Variants in COL8A2 observed in about 807,000 individuals in gnomAD.
COL8A2 encodes collagen type VIII alpha 2 chain.
Under a neutral mutation model 24.0 loss-of-function variants are expected in COL8A2, and 16 were observed. That is an observed-to-expected ratio of 0.67 (90% CI 0.45 to 1.01). COL8A2 has a LOEUF of 1.01. Among genes scored for constraint, COL8A2 ranks in the 50% least tolerant of loss-of-function variants. COL8A2 has a pLI of 0.00. For synonymous variants in COL8A2, 466 were observed against 424.5 expected, an observed-to-expected ratio of 1.10 and a Z score of -1.20; for missense variants, 818 against 942.4, an observed-to-expected ratio of 0.87 and a Z score of 1.73.
intron 2 of COL8A2, among the ~76,000 whole-genome samples, chr1:36,108,866 T>C (rs1260584409): frequency 6.6e-6 from 1 of 152,090 alleles, no homozygotes; most frequent in African/African-American, 2.4e-5. Context: ...AAGAGTCCTT[T>C]CCTAGAGGCG....
chr1:36,099,531 G>C, intron 3 of COL8A2, 44 bp from the exon 4 acceptor site: 2 of 1,400,214 alleles, frequency 1.4e-6, no homozygotes, highest in Non-Finnish European at 2.0e-6. Flanking sequence ...CTGAACTGTG[G>C]GGACAGGGGA....
Position 36,098,088 on chromosome 1 carries a change from A to C in COL8A2, c.1593T>G (p.Gly531=). 1 of 1,544,328 alleles carries C rather than the reference A, an allele frequency of 6.5e-7. No individual in the cohort carries two copies. The highest frequency in any genetic ancestry group is 8.7e-7 in the Non-Finnish European group (1 of 1,152,354). Residue 531 remains glycine, a synonymous_variant, in exon 4 of 4, where the codon GGT becomes GGG. Transcript: ENST00000397799. ...CAGTCTCATCGAAGGCCCCAGGGGC[A>C]CCAGGGGGTCCCGGGGGCCCGGGAG... ...PGPPGPPGPP[G]APGAFDETGI...
chr1:36,108,585 C>T (rs1224085962), intron 2 of COL8A2, among the ~76,000 whole-genome samples: 1 of 152,226 alleles, frequency 6.6e-6, no homozygotes, highest in Non-Finnish European at 1.5e-5. Flanking sequence ...CCCCCCTTTT[C>T]AGCAAATCCC....
At chr1:36,099,536 A>G (rs1427774834) in intron 3 of COL8A2, 49 bp from the exon 4 acceptor site, 3 of 1,365,902 alleles carry the variant, frequency 2.2e-6, no homozygotes, top group Non-Finnish European at 3.0e-6. Flanking sequence ...CTGTGGGGAC[A>G]GGGGACCCCA....
rs767371471 is a variant in COL8A2 at position 36,100,118 on chromosome 1, T to C, written c.125A>G (p.Lys42Arg). Reference sequence around the variant, plus strand: ...TCCTTTCTGCATGGGCTGGATGTACTTCACTGGGGCATAGCCCGCCGCCCC... The same window carrying C: ...TCCTTTCTGCATGGGCTGGATGTACCTCACTGGGGCATAGCCCGCCGCCCC... ...AGGAAGYAPVKYIQPMQKGPV... is the reference protein window; with the variant it reads ...AGGAAGYAPVRYIQPMQKGPV... Residue 42 changes from lysine (K) to arginine (R), a missense_variant, in exon 3 of 4, where the codon AAG becomes AGG. This residue lies in a region of COL8A2 where 573 missense variants were observed against 616.8 expected (regional missense o/e 0.93). Coordinates refer to ENST00000397799, the MANE Select transcript of COL8A2 (RefSeq NM_005202.4). 1 of 1,612,990 alleles carries C rather than the reference T, an allele frequency of 6.2e-7. No individual in the cohort carries two copies. Among genetic ancestry groups the C allele is most frequent in the Admixed American group, 1.7e-5 (1 of 59,984 alleles).
intron 2 of COL8A2, among the ~76,000 whole-genome samples, chr1:36,114,402 G>A (rs1052036828): frequency 5.3e-5 from 8 of 151,324 alleles, no homozygotes; most frequent in Non-Finnish European, 7.4e-5. Context: ...TGGGGAACAC[G>A]CCTACATTTA....
In COL8A2 at chr1:36,110,787, T is replaced by C. The variant is rs192838236; in HGVS notation, c.-17+4921A>G. Reference sequence around the variant, plus strand: ...GATTATAGGCATGAGCAACCGTGCCTGGCCTATAAAATAAACTTCTAAAGT... The same window carrying C: ...GATTATAGGCATGAGCAACCGTGCCCGGCCTATAAAATAAACTTCTAAAGT... On this transcript the variant is annotated intron_variant, in intron 2 of 3. Coordinates refer to ENST00000397799, the MANE Select transcript of COL8A2 (RefSeq NM_005202.4). 1.4e-4 allele frequency among the ~76,000 whole-genome samples: 22 copies of C among 152,350 alleles called. No homozygotes were observed. The East Asian group carries it at 4.2e-3, about 29-fold the overall frequency.
intron 2 of COL8A2, among the ~76,000 whole-genome samples, chr1:36,100,553 T>G (rs1643663426): frequency 6.6e-6 from 1 of 152,112 alleles, no homozygotes. Context: ...AGTCACTCTC[T>G]GCAGCCGGGC....
At chr1:36,108,357 C>T (rs1403771795) in intron 2 of COL8A2, among the ~76,000 whole-genome samples, 1 of 152,222 alleles carries the variant, frequency 6.6e-6, no homozygotes, top group Admixed American at 6.5e-5. Flanking sequence ...CCCTGAGGCT[C>T]AAGCCTGGCT....
In COL8A2 at chr1:36,099,324, G is replaced by A; in HGVS notation, c.357C>T (p.Phe119=). The part of the protein sequence containing the change: ...GQPGPAGPPG[F]SRMGKAGPPG... ...GGGGACCAGCCTTGCCCATCCGGGAGAAGCCAGGGGGCCCAGCAGGGCCAG... is the reference window on the plus strand; with the variant it reads ...GGGGACCAGCCTTGCCCATCCGGGAAAAGCCAGGGGGCCCAGCAGGGCCAG... The change falls in exon 4 of 4, where the codon TTC becomes TTT. Residue 119 remains phenylalanine, a synonymous_variant. Transcript: ENST00000397799. 2.5e-6 allele frequency: 4 copies of A among 1,582,644 alleles called. No homozygotes were observed. Among genetic ancestry groups the A allele is most frequent in the Admixed American group, 1.8e-5 (1 of 55,460 alleles).
chr1:36,116,007 G>C (rs1204342169), intron 1 of COL8A2, among the ~76,000 whole-genome samples: 1 of 151,424 alleles, frequency 6.6e-6, no homozygotes, highest in Non-Finnish European at 1.5e-5. Flanking sequence ...CAAGACTGCA[G>C]TAAGCTATGA....
intron 2 of COL8A2, among the ~76,000 whole-genome samples, chr1:36,111,968 T>C (rs2124098101): frequency 6.6e-6 from 1 of 152,206 alleles, no homozygotes; most frequent in African/African-American, 2.4e-5. Context: ...AGGCCAAAAA[T>C]CTGAGCATCA....
chr1:36,122,720 T>C (rs1416515052), intron 1 of COL8A2, among the ~76,000 whole-genome samples: 1 of 152,192 alleles, frequency 6.6e-6, no homozygotes, highest in Non-Finnish European at 1.5e-5. Context: ...CAGCCTCCTC[T>C]GTGATCTCCC....
rs374985555 is a variant in COL8A2 at position 36,100,033 on chromosome 1, G to T, written c.193+17C>A. The stretch of plus-strand genomic sequence containing the variant: ...CTGGGAGCGATTTGAGGCACTGTGG[G>T]GTGAGGAGGCTCTCACCCAGGTACT... On this transcript the variant is annotated intron_variant, in intron 3 of 3. Coordinates refer to ENST00000397799, the MANE Select transcript of COL8A2 (RefSeq NM_005202.4). The T allele has an allele frequency of 5.0e-6, 8 of 1,608,366 alleles. No individual in the cohort carries two copies. In the African/African-American group the frequency reaches 1.1e-4, roughly 21 times the overall value.
At chr1:36,106,286 A>C (rs1200061591) in intron 2 of COL8A2, among the ~76,000 whole-genome samples, 3 of 151,584 alleles carry the variant, frequency 2.0e-5, no homozygotes, top group East Asian at 1.9e-4. Context: ...AAAAAAAAAA[A>C]CGAGATGAGG....
In COL8A2 at chr1:36,098,036, C is replaced by T. The variant is rs780054210; in HGVS notation, c.1645G>A (p.Gly549Ser). 92 of 1,592,628 alleles carry T rather than the reference C, an allele frequency of 5.8e-5. 1 individual carries two copies. In the Middle Eastern group the frequency reaches 8.5e-4, roughly 15 times the overall value. The change falls in exon 4 of 4, where the codon GGC (glycine) becomes AGC (serine). Residue 549 changes from glycine to serine, a missense_variant. By Grantham distance (56) the Gly-to-Ser change is moderately conservative. Around this residue, in one of 3 missense-constraint regions of COL8A2, gnomAD observed 235 missense variants for 297.3 expected, o/e 0.79. Coordinates refer to ENST00000397799, the MANE Select transcript of COL8A2 (RefSeq NM_005202.4). ...TGIAGLHLPN[G>S]GVEGAVLGKG... ...CCCAGCACGGCACCCTCCACACCGCCGTTGGGCAGGTGCAAGCCTGCGATG... is the reference window on the plus strand; with the variant it reads ...CCCAGCACGGCACCCTCCACACCGCTGTTGGGCAGGTGCAAGCCTGCGATG...
At chr1:36,107,423 C>G (rs563235078) in intron 2 of COL8A2, among the ~76,000 whole-genome samples, 1 of 151,808 alleles carries the variant, frequency 6.6e-6, no homozygotes, top group Non-Finnish European at 1.5e-5. Flanking sequence ...AAAAGAACCC[C>G]GAGCTCCTAA....
chr1:36,099,045 C>T lies in COL8A2; in HGVS notation c.636G>A (p.Gln212=). The T allele has an allele frequency of 6.5e-7, 1 of 1,535,926 alleles. No individual in the cohort carries two copies. Among genetic ancestry groups the T allele is most frequent in the Middle Eastern group, 1.8e-4 (1 of 5,660 alleles). ...RGLKGDNGVG[Q]PGLPGAPGQG... ...GCCCTGGGGCCCCAGGCAGCCCGGG[C>T]TGGCCCACTCCATTATCCCCCTTGA... Residue 212 remains glutamine, a synonymous_variant, in exon 4 of 4, where the codon CAG becomes CAA. Coordinates refer to ENST00000397799, the MANE Select transcript of COL8A2 (RefSeq NM_005202.4).
chr1:36,115,600 C>G lies in COL8A2; in HGVS notation c.-17+108G>C, dbSNP rs1057089569. 3.4e-6 allele frequency: 2 copies of G among 583,616 alleles called. No individual in the cohort carries two copies. Among genetic ancestry groups the G allele is most frequent in the African/African-American group, 4.1e-5 (2 of 49,344 alleles). The allele number at this position is 583,616 out of a possible 1,614,324, so 36.2% of individuals were successfully genotyped here. ...GGGTGGCTCACAGGACTCTCTGGGC[C>G]TGGGAGGGGCTTCCGGTGCAGCAGG... is the stretch of plus-strand genomic sequence containing the variant. On this transcript the variant is annotated intron_variant, in intron 2 of 3. Coordinates refer to ENST00000397799, the MANE Select transcript of COL8A2 (RefSeq NM_005202.4). The surrounding 1 kb of genome is among the most constrained non-coding windows in gnomAD (Gnocchi z 5.7).
Sources: gnomAD v4.1 joint callset for allele counts (sites outside exome capture counted in the v4.1 genomes callset) on GRCh38, gnomAD v4.1.1 for gene constraint, gnomAD v4.1.1 regional missense constraint, Gnocchi (gnomAD v3.1) non-coding constraint, MANE v1.5 for transcripts, NCBI Gene and HGNC (gene_info 2026-07-23, HGNC 2026-07-21) for gene names.